The following MYO3B variants were observed in gnomAD, a reference collection of about 807,000 sequenced individuals.
MYO3B encodes myosin IIIB.
In MYO3B, 156 loss-of-function variants were observed where a neutral mutation model predicts 174.6. The observed-to-expected ratio is 0.89, with a 90% confidence interval of 0.78 to 1.02. The LOEUF is 1.02. Ranked by LOEUF, MYO3B falls within the 50% of genes least tolerant of loss-of-function variation. The pLI, the probability that MYO3B is intolerant of heterozygous loss-of-function variation, is 0.00. For synonymous variants in MYO3B, 563 were observed against 569.1 expected, an observed-to-expected ratio of 0.99 and a Z score of 0.15; for missense variants, 1,632 against 1,639.4, an observed-to-expected ratio of 1.00 and a Z score of 0.08.
In MYO3B at chr2:170,651,841, CTCTCG is replaced by C. The variant is rs1699033265; in HGVS notation, c.3840+111_3840+115del. 1.3e-5 allele frequency: 11 copies of C among 819,268 alleles called. No homozygotes were observed. The South Asian group carries it at 1.5e-4, about 11-fold the overall frequency. The allele number at this position is 819,268 out of a possible 1,614,324, so 50.7% of individuals were successfully genotyped here. On this transcript the variant is annotated intron_variant, in intron 33 of 34. Coordinates refer to ENST00000408978, the MANE Select transcript of MYO3B (RefSeq NM_138995.5). ...CTGCAGCCCCACCCCCACCCTCATG[CTCTCG>C]TCTTGAACATGTGCTTAGGCTCTTT...
chr2:170,581,589 T>TTC (rs1693153089), intron 32 of MYO3B, among the ~76,000 whole-genome samples: 1 of 152,118 alleles, frequency 6.6e-6, no homozygotes, highest in Admixed American at 6.6e-5. Flanking sequence ...TCTTTTTTTT[T>TTC]CACACATAGG....
At chr2:170,511,065 T>G (rs1687948998) in intron 28 of MYO3B, among the ~76,000 whole-genome samples, 1 of 151,062 alleles carries the variant, frequency 6.6e-6, no homozygotes, top group South Asian at 2.1e-4. Flanking sequence ...CCTTTTGTTT[T>G]TTTTTTTTTT....
chr2:170,582,406 C>T (rs1693212886), intron 32 of MYO3B, among the ~76,000 whole-genome samples: 3 of 152,158 alleles, frequency 2.0e-5, no homozygotes, highest in Admixed American at 2.0e-4. Flanking sequence ...GGGAAGATGA[C>T]CTCACTGCCC....
intron 22 of MYO3B, among the ~76,000 whole-genome samples, chr2:170,419,808 C>T (rs527541087): frequency 6.0e-4 from 92 of 152,226 alleles, no homozygotes; most frequent in Middle Eastern, 3.4e-3. Context: ...CCTCCAAGCC[C>T]GTGAAAGCCA....
At chr2:170,400,102 C>T (rs1433020282) in intron 16 of MYO3B, 86 bp from the exon 17 acceptor site, 1 of 1,554,854 alleles carries the variant, frequency 6.4e-7, no homozygotes, top group African/African-American at 1.4e-5. Context: ...CTTTGGTAGA[C>T]AACTAGTAGT....
At chr2:170,235,458 T>C (rs1032060073) in intron 6 of MYO3B, among the ~76,000 whole-genome samples, 1 of 152,158 alleles carries the variant, frequency 6.6e-6, no homozygotes, top group Non-Finnish European at 1.5e-5. Context: ...TTGTTGGAGT[T>C]TGAGGAGGGG....
chr2:170,199,134 A>G, intron 1 of MYO3B, 74 bp from the exon 2 acceptor site: 1 of 1,041,256 alleles, frequency 9.6e-7, no homozygotes. Flanking sequence ...AGAAATAAAA[A>G]TCTTTTTGTT....
chr2:170,214,346 T>G (rs1364855176), intron 3 of MYO3B, 33 bp from the exon 4 acceptor site: 1 of 1,559,270 alleles, frequency 6.4e-7, no homozygotes, highest in Non-Finnish European at 8.8e-7. Flanking sequence ...TGTGGTCTCC[T>G]GCTCTCCCTG....
chr2:170,429,689 G>T (rs762384705), intron 22 of MYO3B, among the ~76,000 whole-genome samples: 1 of 152,162 alleles, frequency 6.6e-6, no homozygotes, highest in Non-Finnish European at 1.5e-5. Flanking sequence ...TCTGTCTTGC[G>T]CATGTCTTTC....
intron 30 of MYO3B, among the ~76,000 whole-genome samples, chr2:170,531,915 G>T (rs1689378560): frequency 6.6e-6 from 1 of 152,170 alleles, no homozygotes; most frequent in South Asian, 2.1e-4. Flanking sequence ...ATTGTTTCAG[G>T]CAATAATTAT....
intron 22 of MYO3B, among the ~76,000 whole-genome samples, chr2:170,441,439 G>A (rs183084537): frequency 6.6e-6 from 1 of 152,166 alleles, no homozygotes; most frequent in African/African-American, 2.4e-5. Context: ...CCCAAGAGAG[G>A]GTTCCTGGAT....
chr2:170,489,679 G>GTGTGTGTGTC lies in MYO3B; in HGVS notation c.3015-8911_3015-8910insTGTGTGTCTG, dbSNP rs1389067011. 1.4e-4 allele frequency among the ~76,000 whole-genome samples: 20 copies of GTGTGTGTGTC among 141,952 alleles called. No homozygotes were observed. The South Asian group carries it at 3.2e-3, about 22-fold the overall frequency. The allele number at this position is 141,952 out of a possible 152,430, so 93.1% of individuals were successfully genotyped here. A position where few individuals can be genotyped will look rare whatever the true frequency, so the allele number is the denominator to read the frequency against. On this transcript the variant is annotated intron_variant, in intron 25 of 34. Transcript: ENST00000408978. ...TGTGTGTGTGTGTGTCTGGGTAAGT[G>GTGTGTGTGTC]TGGGTAAGTGTGGGTAAGTGTGTGT...
chr2:170,189,864 G>A (rs2092517752), intron 1 of MYO3B, among the ~76,000 whole-genome samples: 1 of 152,094 alleles, frequency 6.6e-6, no homozygotes, highest in South Asian at 2.1e-4. Flanking sequence ...GTTAGGTCAT[G>A]TTTTCCTGGA....
chr2:170,358,534 A>G (rs2094139291), intron 8 of MYO3B, among the ~76,000 whole-genome samples: 1 of 152,212 alleles, frequency 6.6e-6, no homozygotes, highest in African/African-American at 2.4e-5. Context: ...GTGTGAATAT[A>G]TTAAAAATAA....
chr2:170,185,752 A>G (rs944286290), intron 1 of MYO3B, among the ~76,000 whole-genome samples: 1 of 152,144 alleles, frequency 6.6e-6, no homozygotes, highest in Non-Finnish European at 1.5e-5. Flanking sequence ...CGTTTTAACA[A>G]TATTGCTTCT....
intron 8 of MYO3B, among the ~76,000 whole-genome samples, chr2:170,367,181 T>G (rs1190154778): frequency 6.6e-6 from 1 of 152,228 alleles, no homozygotes; most frequent in Non-Finnish European, 1.5e-5. Context: ...TTTTGTTCAT[T>G]CTTTCTTTTC....
chr2:170,641,726 C>A (rs1276734414), intron 32 of MYO3B, among the ~76,000 whole-genome samples: 1 of 151,972 alleles, frequency 6.6e-6, no homozygotes, highest in South Asian at 2.1e-4. Context: ...GGAAAAAAGA[C>A]AAACTTTTCA....
chr2:170,268,350 A>G (rs944461507), intron 7 of MYO3B, among the ~76,000 whole-genome samples: 1 of 152,234 alleles, frequency 6.6e-6, no homozygotes, highest in African/African-American at 2.4e-5. Context: ...AAAGGGGCCA[A>G]GGTAGTGTGG....
chr2:170,441,814 A>G, intron 22 of MYO3B, among the ~76,000 whole-genome samples: 1 of 152,220 alleles, frequency 6.6e-6, no homozygotes, highest in East Asian at 1.9e-4. Flanking sequence ...GGTCACTTTC[A>G]TTGCCATCTT....
Sources: gnomAD v4.1 joint callset for allele counts (sites outside exome capture counted in the v4.1 genomes callset) on GRCh38, gnomAD v4.1.1 for gene constraint, MANE v1.5 for transcripts, NCBI Gene and HGNC (gene_info 2026-07-23, HGNC 2026-07-21) for gene names.